The following EPYC variants were observed in gnomAD, a reference collection of about 807,000 sequenced individuals.
EPYC encodes the protein epiphycan, also known as dermatan sulfate proteoglycan 3.
Under a neutral mutation model 30.1 loss-of-function variants are expected in EPYC, and 28 were observed. That is an observed-to-expected ratio of 0.93 (90% CI 0.69 to 1.28). EPYC has a LOEUF of 1.28. EPYC is among the 50% of genes most tolerant of loss of function. EPYC has a pLI of 0.00. For missense variants in EPYC, 382 were observed against 383.5 expected (o/e 1.00, Z 0.03); for synonymous variants, 144 against 141.4 (o/e 1.02, Z -0.13).
intron 6 of EPYC, among the ~76,000 whole-genome samples, 195 bp from the exon 7 acceptor site, chr12:90,964,521 A>C (rs1043733985): frequency 1.3e-5 from 2 of 152,162 alleles, no homozygotes; most frequent in African/African-American, 4.8e-5. Flanking sequence ...GTTTTTAAGG[A>C]GCTTATACTT....
intron 2 of EPYC, among the ~76,000 whole-genome samples, chr12:90,987,560 A>G (rs998465256): frequency 6.6e-6 from 1 of 152,178 alleles, no homozygotes; most frequent in African/African-American, 2.4e-5. Context: ...AGACATCTCC[A>G]TGTCTGCCTA....
chr12:90,978,522 G>T (rs1330555761), intron 2 of EPYC, among the ~76,000 whole-genome samples: 1 of 148,392 alleles, frequency 6.7e-6, no homozygotes. Context: ...CTTTAATATC[G>T]TATATGTTTG....
intron 6 of EPYC, 70 bp downstream of exon 6, chr12:90,969,974 G>T: frequency 9.5e-7 from 1 of 1,049,198 alleles, no homozygotes; most frequent in East Asian, 2.4e-5. Context: ...ACAAATTCTT[G>T]TGTCCTGATG....
chr12:90,981,431 GTTA>G (rs1314525222), intron 2 of EPYC, among the ~76,000 whole-genome samples: 2 of 151,926 alleles, frequency 1.3e-5, no homozygotes, highest in African/African-American at 4.8e-5. Context: ...CAATATTTGT[GTTA>G]TTATTAAAAA....
chr12:90,985,020 A>C (rs1309680120), intron 2 of EPYC, among the ~76,000 whole-genome samples: 1 of 152,164 alleles, frequency 6.6e-6, no homozygotes, highest in Non-Finnish European at 1.5e-5. Flanking sequence ...CTATTGTTAG[A>C]TCAAACCCTG....
chr12:90,969,665 C>T (rs1876987988), intron 6 of EPYC, among the ~76,000 whole-genome samples: 1 of 151,524 alleles, frequency 6.6e-6, no homozygotes, highest in South Asian at 2.1e-4. Context: ...TTTTTTTCCC[C>T]TGACAGCTAA....
In EPYC at chr12:90,970,442, G is replaced by A. The variant is rs375522519; in HGVS notation, c.703-303C>T. 2.6e-4 allele frequency among the ~76,000 whole-genome samples: 40 copies of A among 152,300 alleles called. 1 individual carries two copies. In the South Asian group the frequency reaches 7.9e-3, roughly 30 times the overall value. On this transcript the variant is annotated intron_variant, in intron 5 of 6. Coordinates refer to ENST00000261172, the MANE Select transcript of EPYC (RefSeq NM_004950.5). ...TGACTTTCTCAATTTAAGCAAGGCT[G>A]CTTCTTCCTATGAAAGGCATTCTGC...
At chr12:90,967,315 C>T (rs1876924112) in intron 6 of EPYC, among the ~76,000 whole-genome samples, 1 of 85,054 alleles carries the variant, frequency 1.2e-5, no homozygotes, top group Non-Finnish European at 3.3e-5. Flanking sequence ...TTTTATTTAT[C>T]TCTGATTTTT....
intron 1 of EPYC, among the ~76,000 whole-genome samples, chr12:91,003,643 A>G (rs1877883706): frequency 1.3e-5 from 2 of 152,100 alleles, no homozygotes; most frequent in Non-Finnish European, 2.9e-5. Flanking sequence ...AATGTTACCT[A>G]GTGATCCCTT....
At chr12:90,965,744 G>A (rs1164134667) in intron 6 of EPYC, among the ~76,000 whole-genome samples, 2 of 151,830 alleles carry the variant, frequency 1.3e-5, no homozygotes, top group South Asian at 2.1e-4. Context: ...CACCTTAGTC[G>A]TAAGTCTTCT....
chr12:90,986,668 G>GCCAAGCTAGTCCAGCCAGCACTGTACCA (rs2120844318), intron 2 of EPYC, among the ~76,000 whole-genome samples: 1 of 152,240 alleles, frequency 6.6e-6, no homozygotes, highest in East Asian at 1.9e-4. Context: ...TTCAGCTGAG[G>GCCAAGCTAGTCCAGCCAGCACTGTACCA]CCAAGCTAGT....
intron 2 of EPYC, among the ~76,000 whole-genome samples, chr12:90,995,555 C>T (rs1326572197): frequency 6.6e-6 from 1 of 151,858 alleles, no homozygotes; most frequent in Non-Finnish European, 1.5e-5. Flanking sequence ...TAGATGAAAA[C>T]TCGGGGCAAA....
At chr12:91,000,819 A>C (rs1208640667) in intron 2 of EPYC, among the ~76,000 whole-genome samples, 1 of 152,082 alleles carries the variant, frequency 6.6e-6, no homozygotes, top group Non-Finnish European at 1.5e-5. Flanking sequence ...GTTTTTATGC[A>C]AGATGAAAAA....
At chr12:90,992,449 GC>G (rs1877607235) in intron 2 of EPYC, among the ~76,000 whole-genome samples, 1 of 152,152 alleles carries the variant, frequency 6.6e-6, no homozygotes. Context: ...AAGCCACTGG[GC>G]ATATAACATC....
At chr12:90,967,399 T>G (rs2120793306) in intron 6 of EPYC, among the ~76,000 whole-genome samples, 1 of 152,294 alleles carries the variant, frequency 6.6e-6, no homozygotes, top group South Asian at 2.1e-4. Flanking sequence ...CACGTATTTG[T>G]GAATTTCTTA....
chr12:91,002,038 T>C (rs1221666514), intron 2 of EPYC, among the ~76,000 whole-genome samples: 1 of 151,248 alleles, frequency 6.6e-6, no homozygotes, highest in Non-Finnish European at 1.5e-5. Flanking sequence ...AATACAAAAA[T>C]TAGCTGCGTG....
chr12:90,964,333 A>C lies in EPYC; in HGVS notation c.799-7T>G, dbSNP rs769097820. ...TTTCCAGAATGTTGTTATTCTAAAA[A>C]AGATGAAAATAAATTATGACAAGAT... is the stretch of plus-strand genomic sequence containing the variant. On this transcript the variant is annotated splice_region_variant and splice_polypyrimidine_tract_variant and intron_variant, in intron 6 of 6. Transcript: ENST00000261172. 8.2e-6 allele frequency: 13 copies of C among 1,592,468 alleles called. No homozygotes were observed. Among genetic ancestry groups the C allele is most frequent in the Non-Finnish European group, 1.0e-5 (12 of 1,161,816 alleles).
At chr12:90,982,204 G>A (rs1276714249) in intron 2 of EPYC, among the ~76,000 whole-genome samples, 1 of 152,028 alleles carries the variant, frequency 6.6e-6, no homozygotes, top group Non-Finnish European at 1.5e-5. Context: ...CTCTTAGCTG[G>A]AATACAGCAA....
chr12:90,989,020 T>C (rs1877518793), intron 2 of EPYC, among the ~76,000 whole-genome samples: 1 of 152,078 alleles, frequency 6.6e-6, no homozygotes, highest in African/African-American at 2.4e-5. Context: ...CATGTAGATA[T>C]AGGTTAAAGT....
Sources: allele counts gnomAD v4.1 joint callset (sites outside exome capture counted in the v4.1 genomes callset), GRCh38; gene constraint gnomAD v4.1.1; transcripts MANE v1.5; gene names NCBI Gene and HGNC (gene_info 2026-07-23, HGNC 2026-07-21).